The following HDAC9 variants were observed in gnomAD, a reference collection of about 807,000 sequenced individuals.
HDAC9 encodes the protein MEF-2 interacting transcription repressor (MITR) protein.
A neutral mutation model predicts 139.4 loss-of-function variants in HDAC9; 41 were observed. The observed-to-expected ratio is 0.29, with a 90% CI of 0.23 to 0.38. The LOEUF (loss-of-function observed/expected upper bound fraction) is 0.38. Among genes scored for constraint, HDAC9 ranks in the 10% least tolerant of loss-of-function variants. HDAC9 has a pLI of 1.00. For missense variants in HDAC9, 1,147 were observed against 1,297.0 expected (o/e 0.88, Z 1.78); for synonymous variants, 517 against 476.2 (o/e 1.09, Z -1.12).
intron 2 of HDAC9, among the ~76,000 whole-genome samples, chr7:18,498,829 G>A (rs1319449057): frequency 7.2e-5 from 11 of 151,938 alleles, no homozygotes; most frequent in Non-Finnish European, 1.2e-4. Context: ...TCTTTAAAAC[G>A]TATACTCACT....
chr7:18,925,804 T>C (rs1563060725), intron 22 of HDAC9, among the ~76,000 whole-genome samples: 2 of 151,944 alleles, frequency 1.3e-5, no homozygotes, highest in Admixed American at 6.6e-5. Flanking sequence ...TTTCTACTTA[T>C]ATTGGCCACA....
In HDAC9 at chr7:18,732,903, G is replaced by A. The variant is rs1188412413; in HGVS notation, c.1909+5146G>A. Among the ~76,000 whole-genome samples, 2 of 94,764 alleles carry A rather than the reference G, an allele frequency of 2.1e-5. 1 individual carries two copies. The highest frequency in any genetic ancestry group is 6.7e-4 in the South Asian group (2 of 2,970). The allele number at this position is 94,764 out of a possible 152,430, so 62.2% of individuals were successfully genotyped here. ...CGTGTGCGTATGTGTACACACACAC[G>A]TGTGCGTATGTGTATACACACGTGT... On this transcript the variant is annotated intron_variant, in intron 13 of 25. Coordinates refer to ENST00000686413, the MANE Select transcript of HDAC9 (RefSeq NM_178425.4).
chr7:18,932,592 G>C (rs1804841070), intron 22 of HDAC9, among the ~76,000 whole-genome samples: 1 of 152,036 alleles, frequency 6.6e-6, no homozygotes, highest in South Asian at 2.1e-4. Flanking sequence ...AGAGGCTTGG[G>C]CCTAAGAAGG....
chr7:18,921,127 A>G (rs1164182384), intron 22 of HDAC9, among the ~76,000 whole-genome samples: 1 of 152,158 alleles, frequency 6.6e-6, no homozygotes, highest in African/African-American at 2.4e-5. Flanking sequence ...AACCATAAAA[A>G]CCGTAGAAGA....
intron 2 of HDAC9, among the ~76,000 whole-genome samples, chr7:18,215,491 G>A (rs1245895855): frequency 1.3e-5 from 2 of 152,180 alleles, no homozygotes; most frequent in African/African-American, 4.8e-5. Flanking sequence ...TTATGCTAAT[G>A]TGGGTAAATT....
intron 25 of HDAC9, among the ~76,000 whole-genome samples, chr7:18,980,755 CTTCCTT>C (rs1784880164): frequency 2.2e-5 from 3 of 135,702 alleles, no homozygotes; most frequent in Non-Finnish European, 1.5e-5. Flanking sequence ...CCTTCTTCTT[CTTCCTT>C]CTTCTTCTTC....
chr7:18,561,052 A>G (rs1170548522), intron 2 of HDAC9, among the ~76,000 whole-genome samples: 1 of 152,156 alleles, frequency 6.6e-6, no homozygotes, highest in Non-Finnish European at 1.5e-5. Flanking sequence ...GTGTCAGGGG[A>G]TAAAAAGAAA....
intron 1 of HDAC9, among the ~76,000 whole-genome samples, chr7:18,345,914 T>C (rs750144221): frequency 3.3e-5 from 5 of 152,044 alleles, no homozygotes; most frequent in Non-Finnish European, 7.4e-5. Flanking sequence ...TCTGTTTCTC[T>C]TCAAGGAGCC....
intron 1 of HDAC9, among the ~76,000 whole-genome samples, chr7:18,373,372 A>G (rs966870602): frequency 3.3e-5 from 5 of 152,202 alleles, no homozygotes; most frequent in Non-Finnish European, 5.9e-5. Flanking sequence ...TACCTTAAAA[A>G]AAAGGATAGC....
intron 2 of HDAC9, among the ~76,000 whole-genome samples, chr7:18,222,360 T>C (rs141458133): frequency 2.7e-4 from 41 of 152,282 alleles, no homozygotes; most frequent in African/African-American, 8.4e-4. Context: ...AGGACCTTAT[T>C]AAACCTAAGC....
At chr7:18,292,937 G>A (rs2128225742) in intron 1 of HDAC9, among the ~76,000 whole-genome samples, 1 of 152,134 alleles carries the variant, frequency 6.6e-6, no homozygotes, top group East Asian at 1.9e-4. Context: ...GAAGAGAGAG[G>A]TTAATTTCAC....
chr7:18,779,051 G>A (rs1041907542), intron 16 of HDAC9, among the ~76,000 whole-genome samples: 1 of 151,930 alleles, frequency 6.6e-6, no homozygotes, highest in Non-Finnish European at 1.5e-5. Flanking sequence ...GGCTTTACTT[G>A]GAATCTGAAC....
rs212676 is a variant in HDAC9, at chr7:18,738,729, T to G, written c.1910-10276T>G. Among the ~76,000 whole-genome samples the G allele has an allele frequency of 9.5e-3, 1,440 of 152,266 alleles. 27 individuals carry two copies. Among genetic ancestry groups the G allele is most frequent in the African/African-American group, 0.033 (1,385 of 41,550 alleles). On this transcript the variant is annotated intron_variant, in intron 13 of 25. Transcript: ENST00000686413. Reference sequence around the variant, plus strand: ...ATTTCAACCTTGGTGTATTTGATGATTATGTGTCTTGGGGTTGCACTTCTT... The same window carrying G: ...ATTTCAACCTTGGTGTATTTGATGAGTATGTGTCTTGGGGTTGCACTTCTT...
chr7:18,808,476 A>G (rs879832988), intron 17 of HDAC9, among the ~76,000 whole-genome samples: 1 of 152,200 alleles, frequency 6.6e-6, no homozygotes, highest in East Asian at 1.9e-4. Context: ...GGAAAGTTAT[A>G]GGATACAAAT....
intron 12 of HDAC9, among the ~76,000 whole-genome samples, chr7:18,674,216 C>T (rs1203151533): frequency 6.6e-6 from 1 of 151,990 alleles, no homozygotes; most frequent in Admixed American, 6.6e-5. Context: ...AAAACAAATC[C>T]ATGGTGCTCT....
At chr7:18,207,953 A>C (rs1350346102) in intron 2 of HDAC9, among the ~76,000 whole-genome samples, 1 of 152,020 alleles carries the variant, frequency 6.6e-6, no homozygotes, top group Non-Finnish European at 1.5e-5. Flanking sequence ...ATCTCAGGTG[A>C]TCTGCCTGCC....
At chr7:18,187,206 C>A (rs1789982537) in intron 2 of HDAC9, among the ~76,000 whole-genome samples, 1 of 152,156 alleles carries the variant, frequency 6.6e-6, no homozygotes. Context: ...CTATTAAGCA[C>A]CTAATGTGGA....
rs1378220388 is a variant in HDAC9 at position 18,666,408 on chromosome 7, G to A, written c.1663G>A (p.Val555Met). The A allele has an allele frequency of 6.2e-7, 1 of 1,613,084 alleles. No homozygotes were observed. Among genetic ancestry groups the A allele is most frequent in the Non-Finnish European group, 8.5e-7 (1 of 1,179,516 alleles). Residue 555 changes from valine (V) to methionine (M), a missense_variant, in exon 12 of 26, where the codon GTG (valine) becomes ATG (methionine). This residue lies in a region of HDAC9 where 256 missense variants were observed against 219.2 expected (regional missense o/e 1.17). Transcript: ENST00000686413. ...GGCTGTGAAGGTCAAGGAGGAACCA[G>A]TGGACAGTGATGAAGATGCTCAGAT... is the stretch of plus-strand genomic sequence containing the variant. ...VGAVKVKEEPVDSDEDAQIQE... is the reference protein window; with the variant it reads ...VGAVKVKEEPMDSDEDAQIQE...
chr7:18,317,524 G>A (rs539558983), intron 1 of HDAC9, among the ~76,000 whole-genome samples: 6 of 152,260 alleles, frequency 3.9e-5, no homozygotes, highest in African/African-American at 9.6e-5. Context: ...GGAATATCCC[G>A]TCACTTGTAA....
Sources: allele counts gnomAD v4.1 joint callset (sites outside exome capture counted in the v4.1 genomes callset), GRCh38; gene constraint gnomAD v4.1.1; regional missense constraint gnomAD v4.1.1; transcripts MANE v1.5; gene names NCBI Gene and HGNC (gene_info 2026-07-23, HGNC 2026-07-21).